Variants in LIN7A observed in about 807,000 individuals in gnomAD.
The protein encoded by LIN7A is protein lin-7 homolog A.
A neutral mutation model predicts 29.8 loss-of-function variants in LIN7A; 25 were observed. The ratio of observed to expected loss-of-function variants is 0.84; its 90% CI spans 0.61 to 1.17. LIN7A has a LOEUF of 1.17. LIN7A is among the 50% of genes most tolerant of loss of function. LIN7A has a pLI of 0.00. For missense variants in LIN7A, 239 were observed against 287.0 expected, an observed-to-expected ratio of 0.83 and a Z score of 1.21; for synonymous variants, 118 against 107.5, an observed-to-expected ratio of 1.10 and a Z score of -0.60.
chr12:80,932,507 T>TA (rs1305134112), intron 1 of LIN7A, among the ~76,000 whole-genome samples: 1 of 152,228 alleles, frequency 6.6e-6, no homozygotes, highest in Non-Finnish European at 1.5e-5. Context: ...AATACCAACC[T>TA]TGTATCTTAT....
At chr12:80,889,472 G>A (rs1194156680) in intron 1 of LIN7A, 103 bp from the exon 2 acceptor site, 1 of 711,210 alleles carries the variant, frequency 1.4e-6, no homozygotes, top group Admixed American at 2.5e-5. Flanking sequence ...AAAGCAAGTG[G>A]ACTTAAATTG....
chr12:80,901,052 A>G (rs1321608535), intron 1 of LIN7A, among the ~76,000 whole-genome samples: 2 of 152,164 alleles, frequency 1.3e-5, no homozygotes, highest in African/African-American at 4.8e-5. Context: ...CATTATCCAA[A>G]CTACAACAGT....
intron 4 of LIN7A, among the ~76,000 whole-genome samples, chr12:80,825,444 G>A (rs537760827): frequency 6.6e-6 from 1 of 152,302 alleles, no homozygotes; most frequent in South Asian, 2.1e-4. Context: ...TGTTTATGAA[G>A]CAGTGTTGTG....
In LIN7A at chr12:80,793,186, T is replaced by C. The variant is rs551615875; in HGVS notation, c.*4541A>G. 2 of 152,288 alleles carry C rather than the reference T, an allele frequency of 1.3e-5. No individual in the cohort carries two copies. The highest frequency in any genetic ancestry group is 4.8e-5 in the African/African-American group (2 of 41,576). The allele number at this position is 152,288 out of a possible 1,614,324, so 9.4% of individuals were successfully genotyped here. On this transcript the variant is annotated 3_prime_UTR_variant, in exon 6 of 6. Coordinates refer to ENST00000552864, the MANE Select transcript of LIN7A (RefSeq NM_004664.4). ...GACAAGTCACATAATATATCTGTGC[T>C]TCAGTTTTTGTATCTATAAAATGGA...
intron 2 of LIN7A, among the ~76,000 whole-genome samples, chr12:80,888,444 G>C (rs926798071): frequency 6.6e-6 from 1 of 152,106 alleles, no homozygotes; most frequent in Non-Finnish European, 1.5e-5. Flanking sequence ...CCTGCTCTAC[G>C]CTACAATAAA....
chr12:80,799,290 G>A lies in LIN7A; in HGVS notation c.*1-1564C>T, dbSNP rs181558286. 1.1e-4 allele frequency among the ~76,000 whole-genome samples: 16 copies of A among 152,064 alleles called. No homozygotes were observed. In the East Asian group the frequency reaches 2.1e-3, roughly 20 times the overall value. ...GATTAACAATTTATTTTTAAGAAAA[G>A]CTTCTTTTCCATATTAGTGTGTCTT... On this transcript the variant is annotated intron_variant, in intron 5 of 5. Transcript: ENST00000552864.
intron 4 of LIN7A, among the ~76,000 whole-genome samples, chr12:80,830,664 G>T (rs1283842012): frequency 6.6e-6 from 1 of 152,032 alleles, no homozygotes; most frequent in Non-Finnish European, 1.5e-5. Flanking sequence ...ACTAAAAATT[G>T]AAAATGAAAG....
chr12:80,937,333 C>T, intron 1 of LIN7A: 1 of 315,298 alleles, frequency 3.2e-6, no homozygotes, highest in Non-Finnish European at 5.8e-6. Context: ...CCCCGCGCAG[C>T]GGCTCCAACA....
chr12:80,812,250 C>T (rs1255222862), intron 4 of LIN7A, among the ~76,000 whole-genome samples: 1 of 150,216 alleles, frequency 6.7e-6, no homozygotes, highest in Non-Finnish European at 1.5e-5. Context: ...ATAATGGAGA[C>T]TCAATCTCAT....
chr12:80,854,967 C>T (rs1232846238), intron 2 of LIN7A, among the ~76,000 whole-genome samples: 1 of 151,922 alleles, frequency 6.6e-6, no homozygotes, highest in Admixed American at 6.6e-5. Context: ...AGTTTATCAG[C>T]ATGGAAAACA....
At chr12:80,866,512 T>C (rs905361594) in intron 2 of LIN7A, among the ~76,000 whole-genome samples, 2 of 152,206 alleles carry the variant, frequency 1.3e-5, no homozygotes, top group African/African-American at 4.8e-5. Context: ...AAATGAAAGA[T>C]ATAATTCAAA....
At chr12:80,814,255 A>C (rs908631773) in intron 4 of LIN7A, among the ~76,000 whole-genome samples, 1 of 152,186 alleles carries the variant, frequency 6.6e-6, no homozygotes, top group Admixed American at 6.5e-5. Context: ...AGCATCGTGC[A>C]ATATAAACCC....
chr12:80,867,454 G>T (rs1463354088), intron 2 of LIN7A, among the ~76,000 whole-genome samples: 1 of 152,190 alleles, frequency 6.6e-6, no homozygotes, highest in Non-Finnish European at 1.5e-5. Context: ...GGGCTAAGAG[G>T]TGGGGGTATA....
intron 1 of LIN7A, among the ~76,000 whole-genome samples, chr12:80,912,848 T>C (rs1294827627): frequency 1.3e-5 from 2 of 152,204 alleles, no homozygotes; most frequent in Non-Finnish European, 2.9e-5. Context: ...AGAAATCCTG[T>C]ATGTGAGCTC....
At chr12:80,809,489 A>C (rs1871188478) in intron 5 of LIN7A, among the ~76,000 whole-genome samples, 1 of 152,242 alleles carries the variant, frequency 6.6e-6, no homozygotes, top group Middle Eastern at 3.2e-3. Context: ...AAGGATAGCA[A>C]GGAAAATTTA....
At chr12:80,816,670 C>T (rs903884055) in intron 4 of LIN7A, among the ~76,000 whole-genome samples, 3 of 152,166 alleles carry the variant, frequency 2.0e-5, no homozygotes, top group Non-Finnish European at 1.5e-5. Flanking sequence ...CTTGTTTCAT[C>T]AGCAACCTCA....
At chr12:80,883,946 C>G (rs143025323) in intron 2 of LIN7A, among the ~76,000 whole-genome samples, 2 of 152,170 alleles carry the variant, frequency 1.3e-5, no homozygotes, top group African/African-American at 2.4e-5. Context: ...CACTGGGGAC[C>G]AGGAGCACTT....
intron 5 of LIN7A, among the ~76,000 whole-genome samples, chr12:80,801,043 A>C (rs1870695318): frequency 6.7e-6 from 1 of 149,174 alleles, no homozygotes; most frequent in Non-Finnish European, 1.5e-5. Flanking sequence ...TTTAGCATGT[A>C]AAATATGAGT....
chr12:80,836,112 C>T (rs1293782006), intron 4 of LIN7A, among the ~76,000 whole-genome samples: 2 of 152,162 alleles, frequency 1.3e-5, no homozygotes, highest in East Asian at 3.8e-4. Flanking sequence ...ATTCCTAATG[C>T]ACTTAGAGTA....
Sources: allele counts gnomAD v4.1 joint callset (sites outside exome capture counted in the v4.1 genomes callset), GRCh38; gene constraint gnomAD v4.1.1; transcripts MANE v1.5; gene names NCBI Gene and HGNC (gene_info 2026-07-23, HGNC 2026-07-21).